IMMP2L: variants seen among roughly 807,000 people sequenced by gnomAD.
IMMP2L encodes the protein mitochondrial inner membrane protease subunit 2.
IMMP2L carries 18 observed loss-of-function variants against 19.3 expected under a neutral mutation model. The ratio of observed to expected loss-of-function variants is 0.93; its 90% CI spans 0.64 to 1.38. The LOEUF is 1.38. IMMP2L is among the 40% of genes most tolerant of loss of function. IMMP2L has a pLI of 0.00. For synonymous variants in IMMP2L, 76 were observed against 73.0 expected, an observed-to-expected ratio of 1.04 and a Z score of -0.21; for missense variants, 233 against 218.2, an observed-to-expected ratio of 1.07 and a Z score of -0.43.
At position 111,276,818 on chromosome 7, in the gene IMMP2L, C is replaced by T. The variant is rs1286649745; in HGVS notation, c.239+210420G>A. On this transcript the variant is annotated intron_variant, in intron 3 of 5. Transcript: ENST00000405709. Reference sequence around the variant, plus strand: ...AGAACCCAGAAATGAAGCCACATACCTACAACCAGCTGATTTTCAACAAAG... The same window carrying T: ...AGAACCCAGAAATGAAGCCACATACTTACAACCAGCTGATTTTCAACAAAG... Among the ~76,000 whole-genome samples, 6 of 152,018 alleles carry T rather than the reference C, an allele frequency of 3.9e-5. No individual in the cohort carries two copies. The South Asian group carries it at 1.2e-3, about 32-fold the overall frequency.
chr7:111,206,795 T>G (rs1810758007), intron 3 of IMMP2L, among the ~76,000 whole-genome samples: 1 of 152,158 alleles, frequency 6.6e-6, no homozygotes, highest in Non-Finnish European at 1.5e-5. Context: ...AAGCTTATTT[T>G]CATCTCCCAA....
chr7:111,127,654 G>A (rs1473111607), intron 3 of IMMP2L, among the ~76,000 whole-genome samples: 1 of 151,948 alleles, frequency 6.6e-6, no homozygotes, highest in African/African-American at 2.4e-5. Flanking sequence ...CTAAGCATTG[G>A]TCAAAGTACT....
At chr7:110,712,188 G>T (rs1178030787) in intron 5 of IMMP2L, among the ~76,000 whole-genome samples, 1 of 135,722 alleles carries the variant, frequency 7.4e-6, no homozygotes, top group Non-Finnish European at 1.6e-5. Flanking sequence ...ATGGGTTTTC[G>T]GTGTAGATGT....
In IMMP2L at chr7:110,829,176, T is replaced by G. The variant is rs142773105; in HGVS notation, c.408+57417A>C. On this transcript the variant is annotated intron_variant, in intron 5 of 5. Transcript: ENST00000405709. ...AAAGTTTATTCTGTACCTAGAAGATTACTGAATAAACAACATAAAATGGGG... is the reference window on the plus strand; with the variant it reads ...AAAGTTTATTCTGTACCTAGAAGATGACTGAATAAACAACATAAAATGGGG... 2.9e-3 allele frequency among the ~76,000 whole-genome samples: 436 copies of G among 152,246 alleles called. 2 individuals carry two copies. Among genetic ancestry groups the G allele is most frequent in the African/African-American group, 0.01 (427 of 41,538 alleles).
chr7:111,343,552 C>T (rs1417588357), intron 3 of IMMP2L, among the ~76,000 whole-genome samples: 2 of 152,086 alleles, frequency 1.3e-5, no homozygotes, highest in African/African-American at 4.8e-5. Context: ...TCAGCAACCA[C>T]ATAGTGTGTA....
At chr7:111,311,678 T>C (rs1196244699) in intron 3 of IMMP2L, among the ~76,000 whole-genome samples, 1 of 152,166 alleles carries the variant, frequency 6.6e-6, no homozygotes, top group Non-Finnish European at 1.5e-5. Context: ...TGAGAGGCCA[T>C]GATGTTGTAT....
chr7:110,752,952 C>A (rs1797816342), intron 5 of IMMP2L, among the ~76,000 whole-genome samples: 1 of 152,020 alleles, frequency 6.6e-6, no homozygotes, highest in African/African-American at 2.4e-5. Context: ...AAGTAGATTG[C>A]TAAGTCCTTT....
chr7:111,066,368 T>C (rs1195826878), intron 3 of IMMP2L, among the ~76,000 whole-genome samples: 1 of 151,610 alleles, frequency 6.6e-6, no homozygotes, highest in Non-Finnish European at 1.5e-5. Context: ...AATATTTTAA[T>C]GAACAAAGAA....
chr7:111,370,570 C>T (rs1437825936), intron 3 of IMMP2L, among the ~76,000 whole-genome samples: 1 of 151,920 alleles, frequency 6.6e-6, no homozygotes, highest in African/African-American at 2.4e-5. Flanking sequence ...ATAGTTAACA[C>T]TTGAAAATTT....
chr7:111,240,807 A>C (rs1814923308), intron 3 of IMMP2L, among the ~76,000 whole-genome samples: 1 of 151,886 alleles, frequency 6.6e-6, no homozygotes. Flanking sequence ...AGAAAAATTA[A>C]ACATTTTCAT....
intron 4 of IMMP2L, among the ~76,000 whole-genome samples, chr7:110,926,114 A>AT (rs1208476552): frequency 6.6e-6 from 1 of 151,978 alleles, no homozygotes; most frequent in Non-Finnish European, 1.5e-5. Flanking sequence ...TAAAACAACA[A>AT]TTTTTTTGGT....
chr7:111,234,574 T>C lies in IMMP2L; in HGVS notation c.239+252664A>G, dbSNP rs369678624. On this transcript the variant is annotated intron_variant, in intron 3 of 5. Transcript: ENST00000405709. ...TTTCCCTGGATATATACAATCATGA[T>C]TGGATTTGAATCTACCCTTTTGCTA... 4.3e-4 allele frequency among the ~76,000 whole-genome samples: 65 copies of C among 152,240 alleles called. 2 individuals carry two copies. The South Asian group carries it at 0.012, about 29-fold the overall frequency.
At chr7:111,122,109 T>C (rs1365957656) in intron 3 of IMMP2L, among the ~76,000 whole-genome samples, 1 of 150,092 alleles carries the variant, frequency 6.7e-6, no homozygotes, top group Non-Finnish European at 1.5e-5. Flanking sequence ...CATTAGGAGA[T>C]ATACCTAATG....
intron 3 of IMMP2L, among the ~76,000 whole-genome samples, chr7:111,064,096 G>C (rs1379902517): frequency 1.3e-5 from 2 of 152,166 alleles, no homozygotes; most frequent in African/African-American, 4.8e-5. Flanking sequence ...ATTTATAAAA[G>C]AAAGGGGTTT....
At chr7:111,242,386 C>A (rs559755848) in intron 3 of IMMP2L, among the ~76,000 whole-genome samples, 2 of 152,214 alleles carry the variant, frequency 1.3e-5, no homozygotes, top group South Asian at 4.1e-4. Flanking sequence ...CATTTTGATT[C>A]AACTAAACAA....
At chr7:111,047,336 C>G (rs936456285) in intron 3 of IMMP2L, among the ~76,000 whole-genome samples, 1 of 151,970 alleles carries the variant, frequency 6.6e-6, no homozygotes, top group African/African-American at 2.4e-5. Flanking sequence ...TACAGGCAGG[C>G]ATCACCATTC....
intron 3 of IMMP2L, among the ~76,000 whole-genome samples, chr7:111,306,387 T>A (rs1404434031): frequency 6.6e-6 from 1 of 152,098 alleles, no homozygotes; most frequent in Admixed American, 6.6e-5. Context: ...AATGGGGAAG[T>A]CTATGAATGT....
chr7:111,446,069 C>A (rs1838361912), intron 3 of IMMP2L, among the ~76,000 whole-genome samples: 1 of 151,978 alleles, frequency 6.6e-6, no homozygotes, highest in Non-Finnish European at 1.5e-5. Context: ...CCCACGGAAT[C>A]TCGCTGATTG....
intron 5 of IMMP2L, among the ~76,000 whole-genome samples, chr7:110,777,408 A>C (rs1197977347): frequency 1.3e-5 from 2 of 151,942 alleles, no homozygotes; most frequent in Non-Finnish European, 1.5e-5. Flanking sequence ...GACAATTTGA[A>C]AGCAAACCTG....
Sources: gnomAD v4.1 joint callset for allele counts (sites outside exome capture counted in the v4.1 genomes callset) on GRCh38, gnomAD v4.1.1 for gene constraint, MANE v1.5 for transcripts, NCBI Gene and HGNC (gene_info 2026-07-23, HGNC 2026-07-21) for gene names.